The following DLGAP2 variants were observed in gnomAD, a reference collection of about 807,000 sequenced individuals.
DLGAP2 encodes DLG associated protein 2, also known as disks large-associated protein 2.
A neutral mutation model predicts 100.3 loss-of-function variants in DLGAP2; 26 were observed. The observed-to-expected ratio is 0.26, with a 90% CI of 0.19 to 0.36. DLGAP2 has a LOEUF of 0.36. DLGAP2 is among the 10% of genes least tolerant of loss of function. The pLI, the probability that DLGAP2 is intolerant of heterozygous loss-of-function variation, is 1.00. For synonymous variants in DLGAP2, 886 were observed against 630.1 expected (o/e 1.41, Z -6.08); for missense variants, 1,858 against 1,453.2 (o/e 1.28, Z -4.53).
chr8:988,428 A>G lies in DLGAP2; in HGVS notation c.73+80462A>G, dbSNP rs554514131. On this transcript the variant is annotated intron_variant, in intron 2 of 14. Transcript: ENST00000637795. ...CTTAAATTCTCTTATTACCTGCCCA[A>G]AGTCATTTCCTTTGGTATTCATTTC... 2.0e-5 allele frequency among the ~76,000 whole-genome samples: 3 copies of G among 152,246 alleles called. No homozygotes were observed. The South Asian group carries it at 6.2e-4, about 32-fold the overall frequency.
At chr8:1,668,734 C>G (rs1462790317) in intron 9 of DLGAP2, 56 bp downstream of exon 9, 1 of 1,431,954 alleles carries the variant, frequency 7.0e-7, no homozygotes, top group Non-Finnish European at 9.2e-7. Context: ...TGCCAATAGC[C>G]TAGAATAAGC....
intron 1 of DLGAP2, chr8:822,140 G>A (rs913047575): frequency 1.5e-5 from 6 of 399,498 alleles, no homozygotes; most frequent in Non-Finnish European, 2.2e-5. Context: ...GGCTTCCCTC[G>A]CGGCTGCTAA....
At chr8:1,072,257 C>G (rs1381665176) in intron 2 of DLGAP2, among the ~76,000 whole-genome samples, 1 of 152,178 alleles carries the variant, frequency 6.6e-6, no homozygotes, top group Non-Finnish European at 1.5e-5. Flanking sequence ...AGGGCACTCT[C>G]TCCAGCTTTC....
At chr8:1,495,237 T>G (rs1339395223) in intron 3 of DLGAP2, among the ~76,000 whole-genome samples, 1 of 152,068 alleles carries the variant, frequency 6.6e-6, no homozygotes, top group Non-Finnish European at 1.5e-5. Flanking sequence ...ACCTGTGGCC[T>G]TCCCATTGCA....
chr8:1,407,467 C>G (rs1471149290), intron 3 of DLGAP2, among the ~76,000 whole-genome samples: 1 of 142,216 alleles, frequency 7.0e-6, no homozygotes, highest in African/African-American at 2.6e-5. Flanking sequence ...GCCACCTCCT[C>G]ATCCTCCAGG....
At chr8:1,408,566 C>G (rs1406527662) in intron 3 of DLGAP2, among the ~76,000 whole-genome samples, 1 of 152,230 alleles carries the variant, frequency 6.6e-6, no homozygotes, top group African/African-American at 2.4e-5. Context: ...GGCACAGACA[C>G]ACACGGTGTT....
chr8:1,110,163 CGGGTCTGTGAGGTGTGCAT>C (rs1214999410), intron 2 of DLGAP2, among the ~76,000 whole-genome samples: 5 of 129,226 alleles, frequency 3.9e-5, no homozygotes, highest in Non-Finnish European at 6.4e-5. Flanking sequence ...GAGGTGTGCA[CGGGTCTGTGAGGTGTGCAT>C]GGGTCTGTGA....
chr8:1,018,776 TA>T, intron 2 of DLGAP2: 1 of 152,358 alleles, frequency 6.6e-6, no homozygotes, highest in East Asian at 1.9e-4. Flanking sequence ...TCACTTTAAC[TA>T]AAAAGTCTTT....
At chr8:1,512,618 T>C (rs1800209331) in intron 4 of DLGAP2, among the ~76,000 whole-genome samples, 1 of 152,020 alleles carries the variant, frequency 6.6e-6, no homozygotes, top group South Asian at 2.1e-4. Context: ...GGCTGTCTGT[T>C]AAAAGCAAAC....
At chr8:811,725 G>C (rs1796373866) in intron 1 of DLGAP2, among the ~76,000 whole-genome samples, 1 of 150,112 alleles carries the variant, frequency 6.7e-6, no homozygotes, top group Non-Finnish European at 1.5e-5. Context: ...ATCATCCTTG[G>C]AATGAGCAGG....
intron 1 of DLGAP2, among the ~76,000 whole-genome samples, chr8:860,492 G>C (rs555634281): frequency 6.6e-6 from 1 of 152,128 alleles, no homozygotes; most frequent in African/African-American, 2.4e-5. Flanking sequence ...AAATGACTTC[G>C]CTGGGGCCGT....
chr8:1,155,944 T>A (rs1434742747), intron 2 of DLGAP2, among the ~76,000 whole-genome samples: 1 of 152,106 alleles, frequency 6.6e-6, no homozygotes, highest in African/African-American at 2.4e-5. Context: ...TCGGGGAGGC[T>A]GGGTGGGCGT....
chr8:1,000,381 G>A (rs971584758), intron 2 of DLGAP2, among the ~76,000 whole-genome samples: 3 of 151,110 alleles, frequency 2.0e-5, no homozygotes, highest in Non-Finnish European at 4.4e-5. Context: ...AGAGCGGAAA[G>A]ATCTGGGTTG....
intron 2 of DLGAP2, among the ~76,000 whole-genome samples, chr8:934,801 A>T (rs1161146396): frequency 6.6e-6 from 1 of 152,162 alleles, no homozygotes; most frequent in Non-Finnish European, 1.5e-5. Context: ...GTTCAAGGCT[A>T]TTCTGTCTGA....
chr8:1,303,383 C>T (rs1455393223), intron 3 of DLGAP2, among the ~76,000 whole-genome samples: 8 of 132,300 alleles, frequency 6.0e-5, no homozygotes, highest in South Asian at 2.5e-4. Context: ...GGCGACAGAG[C>T]GAGACTCCGT....
At chr8:1,687,527 T>C (rs1338691495) in intron 12 of DLGAP2, among the ~76,000 whole-genome samples, 2 of 152,240 alleles carry the variant, frequency 1.3e-5, no homozygotes, top group African/African-American at 4.8e-5. Context: ...TCTCACTCAC[T>C]GAACAGCAAA....
chr8:1,042,768 G>A lies in DLGAP2; in HGVS notation c.73+134802G>A, dbSNP rs1438008628. Among the ~76,000 whole-genome samples, 7 of 139,386 alleles carry A rather than the reference G, an allele frequency of 5.0e-5. No homozygotes were observed. The Admixed American group carries it at 5.1e-4, about 10-fold the overall frequency. 91.4% of individuals were successfully genotyped at this position (139,386 alleles called of 152,430 possible). Reference sequence around the variant, plus strand: ...GGTCGTGGATGTAGGTGGTGGATGTGGGTGATGGATGTGGGTGGTGGGTGT... The same window carrying A: ...GGTCGTGGATGTAGGTGGTGGATGTAGGTGATGGATGTGGGTGGTGGGTGT... On this transcript the variant is annotated intron_variant, in intron 2 of 14. Transcript: ENST00000637795.
chr8:1,222,785 C>G (rs1161431425), intron 2 of DLGAP2, among the ~76,000 whole-genome samples: 2 of 152,064 alleles, frequency 1.3e-5, no homozygotes, highest in Non-Finnish European at 2.9e-5. Flanking sequence ...TGATGAGAGC[C>G]TTGGCAGCTG....
At chr8:933,787 G>A (rs11782774) in intron 2 of DLGAP2, among the ~76,000 whole-genome samples, 7 of 8,650 alleles carry the variant, frequency 8.1e-4, no homozygotes, top group Non-Finnish European at 1.1e-3. Flanking sequence ...ACACCTGGCC[G>A]TGGGCACGAG....
Sources: allele counts gnomAD v4.1 joint callset (sites outside exome capture counted in the v4.1 genomes callset), GRCh38; gene constraint gnomAD v4.1.1; transcripts MANE v1.5; gene names NCBI Gene and HGNC (gene_info 2026-07-23, HGNC 2026-07-21).